The following CDYL variants were observed in gnomAD, a reference collection of about 807,000 sequenced individuals.
The protein encoded by CDYL is chromodomain Y-like protein.
CDYL carries 8 observed loss-of-function variants against 47.3 expected under a neutral mutation model. The ratio of observed to expected loss-of-function variants is 0.17; its 90% CI spans 0.10 to 0.31. The LOEUF is 0.31. CDYL is among the 10% of genes least tolerant of loss of function. The pLI, the probability that CDYL is intolerant of heterozygous loss-of-function variation, is 1.00. For synonymous variants in CDYL, 266 were observed against 265.0 expected, an observed-to-expected ratio of 1.00 and a Z score of -0.04; for missense variants, 471 against 701.4, an observed-to-expected ratio of 0.67 and a Z score of 3.71.
rs576949927 is a variant in CDYL at position 4,708,202 on chromosome 6, G to A, written c.-39+1951G>A. 2.9e-3 allele frequency among the ~76,000 whole-genome samples: 441 copies of A among 152,068 alleles called. 5 individuals carry two copies. The highest frequency in any genetic ancestry group is 0.01 in the African/African-American group (416 of 41,460). On this transcript the variant is annotated intron_variant, in intron 1 of 8. Coordinates refer to the CDYL transcript ENST00000328908. ...CATATATATATATATATTTGAGACAGAATCTTGCTCTGTCACCCAGGCATG... is the reference window on the plus strand; with the variant it reads ...CATATATATATATATATTTGAGACAAAATCTTGCTCTGTCACCCAGGCATG...
intron 1 of CDYL, among the ~76,000 whole-genome samples, chr6:4,806,058 C>G (rs1050117399): frequency 1.3e-5 from 2 of 152,244 alleles, no homozygotes; most frequent in African/African-American, 4.8e-5. Context: ...TGCTGAGATT[C>G]GACCGCAGGG....
chr6:4,845,608 T>C (rs1760632566), intron 1 of CDYL, among the ~76,000 whole-genome samples: 1 of 152,228 alleles, frequency 6.6e-6, no homozygotes, highest in African/African-American at 2.4e-5. Context: ...TACGCTTTCT[T>C]GGCCACAGCT....
chr6:4,918,369 GCC>G (rs140155347), intron 2 of CDYL, among the ~76,000 whole-genome samples: 1 of 148,620 alleles, frequency 6.7e-6, no homozygotes, highest in African/African-American at 2.5e-5. Flanking sequence ...GTGATGTTCT[GCC>G]CCCCCCCCTT....
intron 1 of CDYL, among the ~76,000 whole-genome samples, chr6:4,873,407 A>G (rs1761529449): frequency 6.6e-6 from 1 of 152,100 alleles, no homozygotes; most frequent in Non-Finnish European, 1.5e-5. Context: ...TCCCAATCTC[A>G]TATTGGGGAG....
intron 3 of CDYL, among the ~76,000 whole-genome samples, chr6:4,741,716 G>A (rs1341151503): frequency 6.6e-6 from 1 of 152,220 alleles, no homozygotes; most frequent in Non-Finnish European, 1.5e-5. Flanking sequence ...GGGAAATACA[G>A]ATTTCTAGCT....
intron 1 of CDYL, among the ~76,000 whole-genome samples, chr6:4,818,936 G>T (rs1759746701): frequency 6.6e-6 from 1 of 152,168 alleles, no homozygotes; most frequent in East Asian, 1.9e-4. Flanking sequence ...CAGGTCTGTT[G>T]TAAAAGTTAA....
At chr6:4,927,124 A>G (rs888814151) in intron 2 of CDYL, among the ~76,000 whole-genome samples, 7 of 152,144 alleles carry the variant, frequency 4.6e-5, no homozygotes, top group African/African-American at 1.7e-4. Flanking sequence ...GCTTTTGGCA[A>G]TTTTTCCATT....
intron 6 of CDYL, 128 bp downstream of exon 6, chr6:4,952,537 A>G: frequency 9.7e-7 from 1 of 1,032,104 alleles, no homozygotes; most frequent in African/African-American, 1.6e-5. Context: ...CTTCCCGTGA[A>G]GTCCTGCCAG....
chr6:4,730,545 A>T (rs923278415), intron 2 of CDYL, among the ~76,000 whole-genome samples: 1 of 151,994 alleles, frequency 6.6e-6, no homozygotes, highest in Non-Finnish European at 1.5e-5. Context: ...GTGCTGGTGC[A>T]TGCCTATAAT....
chr6:4,798,194 A>G (rs761406449), intron 1 of CDYL, among the ~76,000 whole-genome samples: 2 of 151,986 alleles, frequency 1.3e-5, no homozygotes, highest in African/African-American at 4.8e-5. Context: ...GCTGGTCTTG[A>G]ACTCCTGGGC....
chr6:4,786,646 G>A (rs1160484171), intron 1 of CDYL, among the ~76,000 whole-genome samples: 4 of 152,106 alleles, frequency 2.6e-5, no homozygotes, highest in Non-Finnish European at 4.4e-5. Flanking sequence ...CTCGAGTCTC[G>A]CTGTTTATTC....
At chr6:4,727,473 G>A (rs538236830) in intron 2 of CDYL, among the ~76,000 whole-genome samples, 4 of 152,210 alleles carry the variant, frequency 2.6e-5, no homozygotes, top group African/African-American at 9.6e-5. Flanking sequence ...GACAGAACAA[G>A]GAGGAAAACT....
chr6:4,744,183 C>G (rs147506314), intron 3 of CDYL, among the ~76,000 whole-genome samples: 126 of 152,204 alleles, frequency 8.3e-4, no homozygotes, highest in Non-Finnish European at 1.4e-3. Context: ...GCCCACCAGT[C>G]CAGAATCTGA....
intron 2 of CDYL, among the ~76,000 whole-genome samples, chr6:4,716,732 TGAA>T (rs756263707): frequency 5.9e-5 from 9 of 151,740 alleles, no homozygotes; most frequent in Non-Finnish European, 8.8e-5. Context: ...GCTAGCAACC[TGAA>T]GAAGTCATCT....
chr6:4,953,413 A>T (rs564333409), intron 6 of CDYL, among the ~76,000 whole-genome samples: 204 of 151,896 alleles, frequency 1.3e-3, no homozygotes, highest in African/African-American at 3.5e-3. Context: ...ATTTTTTTTT[A>T]AAATATGCTT....
At chr6:4,913,747 C>G (rs1364651367) in intron 2 of CDYL, among the ~76,000 whole-genome samples, 1 of 152,234 alleles carries the variant, frequency 6.6e-6, no homozygotes, top group African/African-American at 2.4e-5. Context: ...CACTTTGAGG[C>G]CAGACGGTCT....
chr6:4,716,434 C>T (rs772052912), intron 2 of CDYL, among the ~76,000 whole-genome samples: 6 of 152,024 alleles, frequency 3.9e-5, no homozygotes, highest in Non-Finnish European at 8.8e-5. Context: ...CCAGAACTTC[C>T]ATTTCATTGC....
rs183118252 is a variant in CDYL at position 4,824,020 on chromosome 6, A to C, written c.24+47213A>C. On this transcript the variant is annotated intron_variant, in intron 1 of 6. Transcript: ENST00000397588. ...TTGTGTCTGGCTTCCTTCACTTAGC[A>C]TAATGTTTTCAAGGTTCATCCGTGT... 3.9e-5 allele frequency among the ~76,000 whole-genome samples: 6 copies of C among 152,328 alleles called. No homozygotes were observed. The East Asian group carries it at 1.2e-3, about 29-fold the overall frequency.
At chr6:4,743,336 G>A (rs1034985589) in intron 3 of CDYL, among the ~76,000 whole-genome samples, 1 of 152,160 alleles carries the variant, frequency 6.6e-6, no homozygotes, top group African/African-American at 2.4e-5. Flanking sequence ...CCAGTTACAG[G>A]ACTCATAGCT....
Sources: gnomAD v4.1 joint callset for allele counts (sites outside exome capture counted in the v4.1 genomes callset) on GRCh38, gnomAD v4.1.1 for gene constraint, MANE v1.5 for transcripts, NCBI Gene and HGNC (gene_info 2026-07-23, HGNC 2026-07-21) for gene names.